The following SNX1 variants were observed in gnomAD, a reference collection of about 807,000 sequenced individuals.
SNX1 encodes the protein sorting nexin 1, also known as sorting nexin-1.
SNX1 carries 36 observed loss-of-function variants against 71.8 expected under a neutral mutation model. The observed-to-expected ratio is 0.50, with a 90% CI of 0.38 to 0.66. The LOEUF is 0.66. SNX1 is among the 30% of genes least tolerant of loss of function. SNX1 has a pLI of 0.00. For synonymous variants in SNX1, 254 were observed against 240.7 expected (o/e 1.06, Z -0.51); for missense variants, 612 against 646.7 (o/e 0.95, Z 0.58).
At chr15:64,096,852 T>G (rs2080907871) in intron 1 of SNX1, among the ~76,000 whole-genome samples, 1 of 152,212 alleles carries the variant, frequency 6.6e-6, no homozygotes, top group Non-Finnish European at 1.5e-5. Context: ...GAGGAAATGG[T>G]GTTTCCCGTA....
chr15:64,102,610 T>A (rs1353412679), intron 1 of SNX1, among the ~76,000 whole-genome samples: 1 of 152,194 alleles, frequency 6.6e-6, no homozygotes, highest in Non-Finnish European at 1.5e-5. Context: ...CTCCCACAGA[T>A]GAGTGAGAAC....
At chr15:64,116,544 C>G (rs2081131115) in intron 2 of SNX1, among the ~76,000 whole-genome samples, 1 of 152,196 alleles carries the variant, frequency 6.6e-6, no homozygotes, top group Non-Finnish European at 1.5e-5. Context: ...GAATACTGAT[C>G]TGGGACTTGA....
chr15:64,130,088 C>G (rs1391616632), intron 9 of SNX1, 59 bp downstream of exon 9: 2 of 1,466,790 alleles, frequency 1.4e-6, no homozygotes, highest in Non-Finnish European at 1.9e-6. Context: ...GTCAGAACCC[C>G]TAAGGAGTCC....
intron 2 of SNX1, among the ~76,000 whole-genome samples, chr15:64,115,995 C>T (rs144694012): frequency 3.3e-5 from 5 of 152,262 alleles, no homozygotes; most frequent in Admixed American, 2.0e-4. Flanking sequence ...AGTTAGTCCT[C>T]GAACAATGCA....
At chr15:64,096,404 C>T (rs1412784004) in intron 1 of SNX1, among the ~76,000 whole-genome samples, 1 of 152,202 alleles carries the variant, frequency 6.6e-6, no homozygotes, top group Non-Finnish European at 1.5e-5. Flanking sequence ...GGCTAGCTCC[C>T]TAACAGCCGA....
chr15:64,123,665 A>G (rs2081218162), intron 5 of SNX1, 119 bp downstream of exon 5: 3 of 835,896 alleles, frequency 3.6e-6, no homozygotes, highest in Admixed American at 2.0e-5. Context: ...CTTCATGTTT[A>G]CTCAAGATAG....
intron 12 of SNX1, among the ~76,000 whole-genome samples, chr15:64,136,059 G>A (rs2081356256): frequency 6.6e-6 from 1 of 152,194 alleles, no homozygotes; most frequent in African/African-American, 2.4e-5. Context: ...CTAAACTGGA[G>A]GCTGCTGGCA....
chr15:64,118,755 T>C, intron 3 of SNX1, 33 bp from the exon 4 acceptor site: 1 of 1,539,584 alleles, frequency 6.5e-7, no homozygotes, highest in African/African-American at 1.4e-5. Context: ...TTTTTTCATA[T>C]CAACTCTCAT....
chr15:64,098,593 G>C (rs1189437973), intron 1 of SNX1, among the ~76,000 whole-genome samples: 1 of 151,680 alleles, frequency 6.6e-6, no homozygotes, highest in African/African-American at 2.4e-5. Flanking sequence ...GGGAGGCTGA[G>C]GCACAAGAAT....
At position 64,112,776 on chromosome 15, in the gene SNX1, T is replaced by C. The variant is rs2081090688; in HGVS notation, c.271+92T>C. On this transcript the variant is annotated intron_variant, in intron 2 of 14. Transcript: ENST00000559844. ...GTCAAAACCAAAAAAAAAAAAAGTA[T>C]TGGGAACATAACTTTATGTAAAGTA... is the stretch of plus-strand genomic sequence containing the variant. 3 of 713,176 alleles carry C rather than the reference T, an allele frequency of 4.2e-6. No individual in the cohort carries two copies. The East Asian group carries it at 8.1e-5, about 19-fold the overall frequency. The allele number at this position is 713,176 out of a possible 1,614,324, so 44.2% of individuals were successfully genotyped here.
intron 6 of SNX1, among the ~76,000 whole-genome samples, 190 bp downstream of exon 6, chr15:64,126,410 A>G (rs563258577): frequency 1.3e-5 from 2 of 152,314 alleles, no homozygotes; most frequent in Non-Finnish European, 2.9e-5. Flanking sequence ...CCTTGGGTGC[A>G]GTAGGAGCTC....
chr15:64,138,313 C>A lies in SNX1; in HGVS notation c.*695C>A. 3.4e-5 allele frequency: 27 copies of A among 800,656 alleles called. No individual in the cohort carries two copies. Among genetic ancestry groups the A allele is most frequent in the Non-Finnish European group, 4.4e-5 (25 of 564,912 alleles). 49.6% of individuals were successfully genotyped at this position (800,656 alleles called of 1,614,324 possible). A position where few individuals can be genotyped will look rare whatever the true frequency, so the allele number is the denominator to read the frequency against. On this transcript the variant is annotated 3_prime_UTR_variant, in exon 15 of 15. Transcript: ENST00000559844. Reference sequence around the variant, plus strand: ...TATTCTCCTGCAAAGGAGGCAGAGACTTTCTCTCTCTCTTTTTTTTTTTTT... The same window carrying A: ...TATTCTCCTGCAAAGGAGGCAGAGAATTTCTCTCTCTCTTTTTTTTTTTTT...
intron 8 of SNX1, among the ~76,000 whole-genome samples, chr15:64,128,407 C>G (rs2081274947): frequency 6.6e-6 from 1 of 152,168 alleles, no homozygotes; most frequent in Admixed American, 6.5e-5. Context: ...CATATAAATA[C>G]AGCTGTAGAA....
intron 14 of SNX1, 45 bp downstream of exon 14, chr15:64,136,977 A>G: frequency 1.3e-6 from 2 of 1,512,470 alleles, no homozygotes; most frequent in Non-Finnish European, 1.8e-6. Flanking sequence ...GCCTGCTCCA[A>G]AGGCCAGCTG....
Position 64,101,077 on chromosome 15 carries a change from T to C in SNX1, c.159+4905T>C, listed in dbSNP as rs1340942186. Reference sequence around the variant, plus strand: ...TTGGCCTCCCAAAGTGCTAGAATTATATGCGTGAGTCACCACGCTTGGCCC... The same window carrying C: ...TTGGCCTCCCAAAGTGCTAGAATTACATGCGTGAGTCACCACGCTTGGCCC... On this transcript the variant is annotated intron_variant, in intron 1 of 14. Transcript: ENST00000559844. Among the ~76,000 whole-genome samples, 4 of 152,324 alleles carry C rather than the reference T, an allele frequency of 2.6e-5. No homozygotes were observed. In the South Asian group the frequency reaches 8.3e-4, roughly 32 times the overall value.
chr15:64,126,824 C>T (rs1802706872), intron 6 of SNX1, among the ~76,000 whole-genome samples: 1 of 152,128 alleles, frequency 6.6e-6, no homozygotes, highest in African/African-American at 2.4e-5. Context: ...GTGGTCCGCC[C>T]GCCTTGGCCT....
chr15:64,127,708 G>A (rs760658274), intron 7 of SNX1, 23 bp from the exon 8 acceptor site: 1 of 1,599,102 alleles, frequency 6.3e-7, no homozygotes, highest in East Asian at 2.2e-5. Flanking sequence ...CAACTAACCA[G>A]ATGATAACTG....
In SNX1 at chr15:64,131,891, G is replaced by T. The variant is rs370174132; in HGVS notation, c.1220G>T (p.Arg407Leu). 6.2e-7 allele frequency: 1 copy of T among 1,613,558 alleles called. No homozygotes were observed. Among genetic ancestry groups the T allele is most frequent in the Admixed American group, 1.7e-5 (1 of 60,002 alleles). ...SDYIRLLAIV[R>L]AAFDQRMKTW... ...TACATTCGCCTCCTGGCCATAGTCC[G>T]CGTAAGCTTCTGTTTCCTTTTCTCC... is the stretch of plus-strand genomic sequence containing the variant. The change falls in exon 11 of 15, where the codon CGC becomes CTC. Residue 407 changes from arginine (R) to leucine (L), a missense_variant and splice_region_variant. Arg to Leu is a moderately radical substitution (Grantham distance 102). Around this residue, in one of 2 missense-constraint regions of SNX1, gnomAD observed 296 missense variants for 361.9 expected, o/e 0.82. Coordinates refer to ENST00000559844, the MANE Select transcript of SNX1 (RefSeq NM_003099.5).
Position 64,124,865 on chromosome 15 carries a change from A to C in SNX1, c.511-1214A>C, listed in dbSNP as rs139260942. ...AGTGTATAAAAGTTCCCATTGATTC[A>C]CTTCCTTGCCAGCAATTGGTGAGGC... is the stretch of plus-strand genomic sequence containing the variant. On this transcript the variant is annotated intron_variant, in intron 5 of 14. Coordinates refer to ENST00000559844, the MANE Select transcript of SNX1 (RefSeq NM_003099.5). Among the ~76,000 whole-genome samples the C allele has an allele frequency of 2.6e-3, 394 of 152,258 alleles. 2 individuals carry two copies. Among genetic ancestry groups the C allele is most frequent in the African/African-American group, 9.2e-3 (381 of 41,550 alleles).
Sources: gnomAD v4.1 joint callset for allele counts (sites outside exome capture counted in the v4.1 genomes callset) on GRCh38, gnomAD v4.1.1 for gene constraint, gnomAD v4.1.1 regional missense constraint, MANE v1.5 for transcripts, NCBI Gene and HGNC (gene_info 2026-07-23, HGNC 2026-07-21) for gene names.